The following RBMS3 variants were observed in gnomAD, a reference collection of about 807,000 sequenced individuals.
RBMS3 encodes RNA binding motif single stranded interacting protein 3.
Under a neutral mutation model 66.8 loss-of-function variants are expected in RBMS3, and 27 were observed. That is an observed-to-expected ratio of 0.40 (90% CI 0.30 to 0.56). The LOEUF (loss-of-function observed/expected upper bound fraction) is 0.56, where lower values mean the gene tolerates loss of function less well. Ranked by LOEUF, RBMS3 falls within the 20% of genes least tolerant of loss-of-function variation. The pLI, the probability that RBMS3 is intolerant of heterozygous loss-of-function variation, is 0.40. For missense variants in RBMS3, 513 were observed against 549.5 expected (o/e 0.93, Z 0.66); for synonymous variants, 188 against 183.0 (o/e 1.03, Z -0.22).
intron 12 of RBMS3, among the ~76,000 whole-genome samples, chr3:29,952,367 C>T (rs967721158): frequency 4.6e-5 from 7 of 151,784 alleles, no homozygotes; most frequent in East Asian, 1.9e-4. Flanking sequence ...TGCCACTTTT[C>T]GTATTGAAAT....
At chr3:29,431,580 C>T (rs1487635225) in intron 1 of RBMS3, among the ~76,000 whole-genome samples, 6 of 151,796 alleles carry the variant, frequency 4.0e-5, no homozygotes, top group East Asian at 1.9e-4. Context: ...CGTGAGCCAC[C>T]GCGCCCAGCC....
At chr3:29,612,242 A>T (rs993883153) in intron 4 of RBMS3, among the ~76,000 whole-genome samples, 2 of 151,998 alleles carry the variant, frequency 1.3e-5, no homozygotes, top group South Asian at 2.1e-4. Context: ...ACATATATAT[A>T]TTTTCATATT....
At chr3:29,464,840 C>T (rs576175611) in intron 2 of RBMS3, among the ~76,000 whole-genome samples, 3 of 152,244 alleles carry the variant, frequency 2.0e-5, no homozygotes, top group East Asian at 1.9e-4. Context: ...TTTGTTCCCT[C>T]GTGATGTCTT....
chr3:29,846,133 G>A lies in RBMS3; in HGVS notation c.638-22725G>A, dbSNP rs2058770000. Reference sequence around the variant, plus strand: ...CAAGGTTTTCAAACAGGAAAGGGATGTGATCTGATTTTTGCTTTGAAAGAT... The same window carrying A: ...CAAGGTTTTCAAACAGGAAAGGGATATGATCTGATTTTTGCTTTGAAAGAT... On this transcript the variant is annotated intron_variant, in intron 6 of 14. Transcript: ENST00000383767. Among the ~76,000 whole-genome samples the A allele has an allele frequency of 2.6e-5, 4 of 152,088 alleles. No individual in the cohort carries two copies. In the South Asian group the frequency reaches 8.3e-4, roughly 32 times the overall value.
chr3:29,811,783 G>A (rs747640582), intron 6 of RBMS3, among the ~76,000 whole-genome samples: 1 of 152,152 alleles, frequency 6.6e-6, no homozygotes, highest in Non-Finnish European at 1.5e-5. Flanking sequence ...AAAGATGAGT[G>A]ACCTCAAAAA....
intron 7 of RBMS3, among the ~76,000 whole-genome samples, chr3:29,874,130 T>A (rs2059555706): frequency 6.6e-6 from 1 of 152,168 alleles, no homozygotes; most frequent in Non-Finnish European, 1.5e-5. Context: ...CAGTCACCAG[T>A]CAGCATACTT....
At chr3:29,434,994 T>A in intron 2 of RBMS3, 79 bp downstream of exon 2, 1 of 1,405,542 alleles carries the variant, frequency 7.1e-7, no homozygotes, top group South Asian at 1.4e-5. Context: ...TTTCAGTCAA[T>A]GTACTCATCC....
intron 1 of RBMS3, among the ~76,000 whole-genome samples, chr3:29,297,681 C>G (rs1339360416): frequency 2.0e-5 from 3 of 151,826 alleles, no homozygotes; most frequent in Non-Finnish European, 2.9e-5. Context: ...GGAAAGTTGT[C>G]TGGTTCTTAC....
rs181125885 is a variant in RBMS3, at chr3:29,492,158, C to A, written c.307+3659C>A. ...CTTAGCAGTGGTGAGTGAATCACAA[C>A]CTTCATCAAGCACATCATGGGGGAG... On this transcript the variant is annotated intron_variant, in intron 3 of 14. Transcript: ENST00000383767. Among the ~76,000 whole-genome samples the A allele has an allele frequency of 2.8e-4, 43 of 152,296 alleles. No homozygotes were observed. In the East Asian group the frequency reaches 6.8e-3, roughly 24 times the overall value.
chr3:29,687,808 C>T lies in RBMS3; in HGVS notation c.400-51912C>T, dbSNP rs137861473. Among the ~76,000 whole-genome samples the T allele has an allele frequency of 3.0e-4, 46 of 152,170 alleles. No homozygotes were observed. In the East Asian group the frequency reaches 4.6e-3, roughly 15 times the overall value. On this transcript the variant is annotated intron_variant, in intron 4 of 14. Coordinates refer to ENST00000383767, the MANE Select transcript of RBMS3 (RefSeq NM_001003793.3). The stretch of plus-strand genomic sequence containing the variant: ...ATTGTGACTTGCTAGACATAAGTTA[C>T]GAGGGATAATAAAATAATATCCTAC...
intron 2 of RBMS3, among the ~76,000 whole-genome samples, chr3:29,472,781 A>C (rs1024201270): frequency 6.6e-6 from 1 of 152,070 alleles, no homozygotes; most frequent in African/African-American, 2.4e-5. Flanking sequence ...GGCAGTGTGG[A>C]CCCAAAGAGT....
rs1384733659 is a variant in RBMS3, at chr3:30,010,225, C to T, written c.*6363C>T. On this transcript the variant is annotated 3_prime_UTR_variant, in exon 15 of 15. Transcript: ENST00000383767. ...GACTGTCATGGAAAGTTCTGTAATT[C>T]TAAGGTGTTTCTGGTTTTATTTTTA... The T allele has an allele frequency of 6.6e-6, 1 of 152,096 alleles. No homozygotes were observed. Among genetic ancestry groups the T allele is most frequent in the Non-Finnish European group, 1.5e-5 (1 of 68,006 alleles). The allele number at this position is 152,096 out of a possible 1,614,324, so 9.4% of individuals were successfully genotyped here. A position where few individuals can be genotyped will look rare whatever the true frequency, so the allele number is the denominator to read the frequency against.
chr3:29,820,188 C>CAAAAAAAAAAAAAAAAAAA (rs71091078), intron 6 of RBMS3, among the ~76,000 whole-genome samples: 5 of 69,820 alleles, frequency 7.2e-5, no homozygotes, highest in Non-Finnish European at 1.3e-4. Flanking sequence ...GACTTCTTCT[C>CAAAAAAAAAAAAAAAAAAA]AAAAAAAAAA....
At position 29,879,430 on chromosome 3, in the gene RBMS3, G is replaced by T. The variant is rs553520012; in HGVS notation, c.745-4732G>T. The stretch of plus-strand genomic sequence containing the variant: ...GTTGTAAATATTGTTAAAATTGGCT[G>T]CAAGAAATAAACACTTTAAATATAA... On this transcript the variant is annotated intron_variant, in intron 7 of 14. Transcript: ENST00000383767. 6.5e-4 allele frequency among the ~76,000 whole-genome samples: 99 copies of T among 152,126 alleles called. 1 individual carries two copies. The highest frequency in any genetic ancestry group is 2.3e-3 in the African/African-American group (95 of 41,518).
intron 12 of RBMS3, among the ~76,000 whole-genome samples, chr3:29,963,631 CA>C (rs1220248223): frequency 1.3e-5 from 2 of 151,966 alleles, no homozygotes; most frequent in African/African-American, 4.8e-5. Flanking sequence ...AGTTTGAGAC[CA>C]GCCTGGGTAA....
At chr3:29,955,483 A>C (rs990965308) in intron 12 of RBMS3, among the ~76,000 whole-genome samples, 1 of 152,024 alleles carries the variant, frequency 6.6e-6, no homozygotes, top group Non-Finnish European at 1.5e-5. Context: ...GATCTTATGC[A>C]GTATATCCAT....
intron 10 of RBMS3, among the ~76,000 whole-genome samples, chr3:29,918,144 C>A (rs2060685371): frequency 6.6e-6 from 1 of 152,018 alleles, no homozygotes; most frequent in Non-Finnish European, 1.5e-5. Flanking sequence ...TTCATTATAT[C>A]TGGCTTGATT....
chr3:29,429,958 T>C (rs574687160), intron 1 of RBMS3, among the ~76,000 whole-genome samples: 7 of 151,824 alleles, frequency 4.6e-5, no homozygotes, highest in African/African-American at 1.7e-4. Context: ...TATTTATTTA[T>C]TTATTTTTTA....
intron 3 of RBMS3, among the ~76,000 whole-genome samples, chr3:29,548,210 G>A (rs1196986416): frequency 1.3e-5 from 2 of 152,066 alleles, no homozygotes; most frequent in East Asian, 1.9e-4. Flanking sequence ...AAGATTGTTT[G>A]AGGGCAGGAG....
Sources: gnomAD v4.1 joint callset for allele counts (sites outside exome capture counted in the v4.1 genomes callset) on GRCh38, gnomAD v4.1.1 for gene constraint, MANE v1.5 for transcripts, NCBI Gene and HGNC (gene_info 2026-07-23, HGNC 2026-07-21) for gene names.